The following PCDH17 variants were observed in gnomAD, a reference collection of about 807,000 sequenced individuals.
PCDH17 encodes protocadherin-17.
PCDH17 carries 21 observed loss-of-function variants against 67.7 expected under a neutral mutation model. The observed-to-expected ratio is 0.31, with a 90% CI of 0.22 to 0.45. PCDH17 has a LOEUF of 0.45. Among genes scored for constraint, PCDH17 ranks in the 20% least tolerant of loss-of-function variants. PCDH17 has a pLI of 1.00. For missense variants in PCDH17, 1,471 were observed against 1,564.8 expected, an observed-to-expected ratio of 0.94 and a Z score of 1.01; for synonymous variants, 701 against 656.7, an observed-to-expected ratio of 1.07 and a Z score of -1.03.
intron 3 of PCDH17, among the ~76,000 whole-genome samples, chr13:57,670,404 CA>C (rs1357212487): frequency 2.6e-5 from 4 of 151,440 alleles, no homozygotes; most frequent in Admixed American, 6.6e-5. Context: ...CCCTAAAAAA[CA>C]AAAGTAAATT....
At chr13:57,717,814 A>G (rs1490739454) in intron 3 of PCDH17, among the ~76,000 whole-genome samples, 8 of 152,036 alleles carry the variant, frequency 5.3e-5, no homozygotes, top group Admixed American at 2.6e-4. Context: ...TTAGCAGTGT[A>G]TACTCCTCAA....
intron 3 of PCDH17, among the ~76,000 whole-genome samples, chr13:57,698,060 C>G (rs1217525609): frequency 1.3e-5 from 2 of 151,462 alleles, no homozygotes; most frequent in African/African-American, 2.4e-5. Context: ...CTTGAAAAAG[C>G]CAGTATACAT....
chr13:57,687,445 A>G (rs1272265030), intron 3 of PCDH17, among the ~76,000 whole-genome samples: 1 of 152,036 alleles, frequency 6.6e-6, no homozygotes, highest in Non-Finnish European at 1.5e-5. Flanking sequence ...GTAGCTAGCT[A>G]TTAGATTAAA....
intron 1 of PCDH17, among the ~76,000 whole-genome samples, chr13:57,656,490 G>A (rs888416047): frequency 1.3e-5 from 2 of 151,358 alleles, no homozygotes; most frequent in African/African-American, 2.4e-5. Flanking sequence ...TTTATATACC[G>A]AGAATATTAG....
chr13:57,671,171 A>C (rs1955316474), intron 3 of PCDH17, among the ~76,000 whole-genome samples: 1 of 151,922 alleles, frequency 6.6e-6, no homozygotes, highest in African/African-American at 2.4e-5. Context: ...GTAGATTAAA[A>C]AATTCCAAAT....
intron 3 of PCDH17, among the ~76,000 whole-genome samples, chr13:57,700,240 CAT>C (rs1566240478): frequency 6.6e-6 from 1 of 151,842 alleles, no homozygotes; most frequent in African/African-American, 2.4e-5. Flanking sequence ...GAAAAATAAA[CAT>C]ATTTTATTTT....
In PCDH17 at chr13:57,698,103, A is replaced by T. The variant is rs1416468418; in HGVS notation, c.2798-26509A>T. On this transcript the variant is annotated intron_variant, in intron 3 of 3. Transcript: ENST00000377918. Reference sequence around the variant, plus strand: ...AACATTGTACAAAAACATTTAATCAAGTAACATTTTACCTGGACCTAATGT... The same window carrying T: ...AACATTGTACAAAAACATTTAATCATGTAACATTTTACCTGGACCTAATGT... 2.6e-5 allele frequency among the ~76,000 whole-genome samples: 4 copies of T among 151,614 alleles called. No individual in the cohort carries two copies. The Admixed American group carries it at 2.6e-4, about 10-fold the overall frequency.
At chr13:57,641,976 A>G (rs1328921976) in intron 1 of PCDH17, among the ~76,000 whole-genome samples, 1 of 151,598 alleles carries the variant, frequency 6.6e-6, no homozygotes, top group Non-Finnish European at 1.5e-5. Flanking sequence ...GGAATATATT[A>G]AAATAACTTA....
chr13:57,662,007 G>T (rs1366514916), intron 1 of PCDH17, among the ~76,000 whole-genome samples: 4 of 152,040 alleles, frequency 2.6e-5, no homozygotes, highest in Non-Finnish European at 5.9e-5. Context: ...TTACAGGCAT[G>T]TGCCTTGAAA....
chr13:57,662,421 A>AT (rs765120708), intron 1 of PCDH17, among the ~76,000 whole-genome samples: 2 of 152,096 alleles, frequency 1.3e-5, no homozygotes, highest in Non-Finnish European at 1.5e-5. Flanking sequence ...AATTTATTTC[A>AT]TTTTTTTATA....
At chr13:57,718,839 T>C (rs781635186) in intron 3 of PCDH17, among the ~76,000 whole-genome samples, 2 of 152,008 alleles carry the variant, frequency 1.3e-5, no homozygotes, top group African/African-American at 2.4e-5. Flanking sequence ...CATGTGTGTG[T>C]AATTGTGTGT....
At chr13:57,647,667 TA>T (rs1311801624) in intron 1 of PCDH17, among the ~76,000 whole-genome samples, 1 of 151,876 alleles carries the variant, frequency 6.6e-6, no homozygotes, top group African/African-American at 2.4e-5. Flanking sequence ...TTAGCTAAAA[TA>T]AAAGGCTTCT....
At chr13:57,637,148 T>A (rs2137976939) in intron 1 of PCDH17, among the ~76,000 whole-genome samples, 1 of 152,116 alleles carries the variant, frequency 6.6e-6, no homozygotes, top group East Asian at 1.9e-4. Context: ...AAGAGAAAAC[T>A]TTTTTTAACA....
chr13:57,641,518 G>A (rs1171088161), intron 1 of PCDH17, among the ~76,000 whole-genome samples: 2 of 128,780 alleles, frequency 1.6e-5, no homozygotes, highest in Admixed American at 9.1e-5. Context: ...AAGTTCTTCC[G>A]GGGATAGACT....
At chr13:57,702,115 A>G (rs1441971084) in intron 3 of PCDH17, among the ~76,000 whole-genome samples, 2 of 152,028 alleles carry the variant, frequency 1.3e-5, no homozygotes, top group African/African-American at 4.8e-5. Flanking sequence ...ACGGGGTTTC[A>G]TCATGTTGGC....
Position 57,659,103 on chromosome 13 carries a change from TTG to T in PCDH17, c.2566-7337_2566-7336del, listed in dbSNP as rs71083322. ...CTAATTAGCACCAAGGTTATTTATA[TTG>T]TGTGTGTGTGTGTGTGTGTGTGTGT... On this transcript the variant is annotated intron_variant, in intron 1 of 3. Transcript: ENST00000377918. Among the ~76,000 whole-genome samples, 944 of 139,796 alleles carry T rather than the reference TTG, an allele frequency of 6.8e-3. 5 individuals are homozygous for T. The highest frequency in any genetic ancestry group is 8.5e-3 in the African/African-American group (285 of 33,544). 91.7% of individuals were successfully genotyped at this position (139,796 alleles called of 152,430 possible).
Position 57,635,071 on chromosome 13 carries a change from A to G in PCDH17, c.2525A>G (p.Asn842Ser). 1 of 1,613,576 alleles carries G rather than the reference A, an allele frequency of 6.2e-7. No homozygotes were observed. Among genetic ancestry groups the G allele is most frequent in the Non-Finnish European group, 8.5e-7 (1 of 1,180,000 alleles). ...ACCAGCTTCACCGGACAAGGGACTA[A>G]TGCAAGCGAGACCCCTGCCACTCGG... ...CHTSFTGQGT[N>S]ASETPATRMS... is the part of the protein sequence containing the mutation. Residue 842 changes from asparagine to serine, a missense_variant, in exon 1 of 4, where the codon AAT becomes AGT. Asn to Ser is a conservative substitution (Grantham distance 46, BLOSUM62 1). This residue lies in a region of PCDH17 where 1,163 missense variants were observed against 1,230.0 expected (regional missense o/e 0.95). Transcript: ENST00000377918.
chr13:57,714,125 G>A (rs1399520700), intron 3 of PCDH17, among the ~76,000 whole-genome samples: 3 of 151,662 alleles, frequency 2.0e-5, no homozygotes, highest in East Asian at 3.9e-4. Flanking sequence ...TATCCTATTG[G>A]CAGAGGTTGA....
At chr13:57,677,501 A>G (rs931791474) in intron 3 of PCDH17, among the ~76,000 whole-genome samples, 2 of 151,850 alleles carry the variant, frequency 1.3e-5, no homozygotes, top group Admixed American at 1.3e-4. Flanking sequence ...GAAGATATAT[A>G]TACAGTGTTT....
Sources: allele counts gnomAD v4.1 joint callset (sites outside exome capture counted in the v4.1 genomes callset), GRCh38; gene constraint gnomAD v4.1.1; regional missense constraint gnomAD v4.1.1; transcripts MANE v1.5; gene names NCBI Gene and HGNC (gene_info 2026-07-23, HGNC 2026-07-21).